The following NREP variants were observed in gnomAD, a reference collection of about 807,000 sequenced individuals.
NREP encodes neuronal regeneration related protein, also known as neuronal regeneration-related protein.
A neutral mutation model predicts 8.6 loss-of-function variants in NREP; 5 were observed. The ratio of observed to expected loss-of-function variants is 0.58; its 90% CI spans 0.30 to 1.22. NREP has a LOEUF of 1.22. NREP is among the 50% of genes most tolerant of loss of function. The pLI, the probability that NREP is intolerant of heterozygous loss-of-function variation, is 0.07. For synonymous variants in NREP, 27 were observed against 28.0 expected, an observed-to-expected ratio of 0.96 and a Z score of 0.11; for missense variants, 86 against 82.5, an observed-to-expected ratio of 1.04 and a Z score of -0.17.
chr5:111,824,688 T>A (rs776973792), intron 2 of NREP, among the ~76,000 whole-genome samples: 29 of 152,192 alleles, frequency 1.9e-4, no homozygotes, highest in Non-Finnish European at 3.7e-4. Context: ...CATTCCTAAT[T>A]TGACTGTGGC....
intron 2 of NREP, among the ~76,000 whole-genome samples, chr5:111,751,032 T>C (rs1320000098): frequency 2.0e-5 from 3 of 152,234 alleles, no homozygotes; most frequent in Non-Finnish European, 4.4e-5. Flanking sequence ...TACAAATTAC[T>C]TCTAGTTCAC....
At chr5:111,944,018 G>C (rs1166900930) in intron 2 of NREP, among the ~76,000 whole-genome samples, 1 of 151,958 alleles carries the variant, frequency 6.6e-6, no homozygotes, top group Non-Finnish European at 1.5e-5. Context: ...ATTCAAATTT[G>C]TACCCTAGTT....
chr5:111,887,448 T>G (rs1322099872), intron 2 of NREP, among the ~76,000 whole-genome samples: 2 of 152,172 alleles, frequency 1.3e-5, no homozygotes, highest in East Asian at 3.8e-4. Flanking sequence ...GATTACAATA[T>G]CTCTATATGC....
chr5:111,734,875 A>C, intron 3 of NREP: 1 of 441,076 alleles, frequency 2.3e-6, no homozygotes, highest in East Asian at 3.4e-5. Flanking sequence ...TTGTTTCAGA[A>C]ATTATGCTAA....
intron 2 of NREP, among the ~76,000 whole-genome samples, chr5:111,947,997 A>G (rs774114074): frequency 6.6e-6 from 1 of 151,980 alleles, no homozygotes; most frequent in Non-Finnish European, 1.5e-5. Context: ...TTCTAATCCA[A>G]TCGTTGCTGC....
At chr5:111,839,902 C>A (rs1752984663) in intron 2 of NREP, among the ~76,000 whole-genome samples, 1 of 152,020 alleles carries the variant, frequency 6.6e-6, no homozygotes, top group Non-Finnish European at 1.5e-5. Context: ...ACTATTAACT[C>A]CATTTTACAG....
chr5:111,730,653 T>G lies in NREP; in HGVS notation c.*268A>C. 3.3e-6 allele frequency: 1 copy of G among 306,800 alleles called. No individual in the cohort carries two copies. The highest frequency in any genetic ancestry group is 6.0e-6 in the Non-Finnish European group (1 of 165,914). The allele number at this position is 306,800 out of a possible 1,614,324, so 19.0% of individuals were successfully genotyped here. On this transcript the variant is annotated 3_prime_UTR_variant, in exon 4 of 4. Transcript: ENST00000257435. ...GAGTTTGAGTTGTGGAAGACATTGT[T>G]GTAGCGAACCAGGCCTGAAGGCCCA...
intron 2 of NREP, among the ~76,000 whole-genome samples, chr5:111,846,889 T>C (rs549475232): frequency 1.0e-3 from 151 of 151,446 alleles, no homozygotes; most frequent in Non-Finnish European, 1.9e-3. Context: ...CCAAAATTTG[T>C]TTATTTCATT....
intron 2 of NREP, among the ~76,000 whole-genome samples, chr5:111,883,747 C>T (rs1754152162): frequency 6.6e-6 from 1 of 152,034 alleles, no homozygotes; most frequent in Non-Finnish European, 1.5e-5. Flanking sequence ...AAAATGAAAG[C>T]AGAAATAAAG....
intron 2 of NREP, among the ~76,000 whole-genome samples, chr5:111,791,369 C>T (rs1751742247): frequency 6.6e-6 from 1 of 152,170 alleles, no homozygotes; most frequent in Admixed American, 6.5e-5. Context: ...CCAGTCCTCA[C>T]CACCATCTTC....
chr5:111,899,203 T>G (rs1438814614), intron 2 of NREP, among the ~76,000 whole-genome samples: 1 of 152,050 alleles, frequency 6.6e-6, no homozygotes, highest in Non-Finnish European at 1.5e-5. Flanking sequence ...GAGTCAAATT[T>G]TATTGCTACA....
chr5:111,800,069 A>AAG (rs1751966777), intron 2 of NREP, among the ~76,000 whole-genome samples: 1 of 147,026 alleles, frequency 6.8e-6, no homozygotes, highest in Non-Finnish European at 1.5e-5. Context: ...ATAGGTGCCC[A>AAG]CCACCACGCC....
At chr5:111,874,269 C>T (rs1753854911) in intron 2 of NREP, among the ~76,000 whole-genome samples, 1 of 152,140 alleles carries the variant, frequency 6.6e-6, no homozygotes. Flanking sequence ...TGTATTAACA[C>T]TGTATGTGTG....
At chr5:111,883,365 A>G (rs566063988) in intron 2 of NREP, among the ~76,000 whole-genome samples, 2 of 152,262 alleles carry the variant, frequency 1.3e-5, no homozygotes, top group African/African-American at 4.8e-5. Context: ...CTCCCACACA[A>G]TAATAATGGG....
rs925506575 is a variant in NREP, at chr5:111,827,753, G to C, written c.136-92246C>G. 2.6e-5 allele frequency among the ~76,000 whole-genome samples: 4 copies of C among 151,984 alleles called. No individual in the cohort carries two copies. The East Asian group carries it at 5.8e-4, about 22-fold the overall frequency. On this transcript the variant is annotated intron_variant, in intron 2 of 3. Transcript: ENST00000395634. The stretch of plus-strand genomic sequence containing the variant: ...AGCTACTCAGGAAGCTGAGGCAGAA[G>C]AATTGCTTGAACCTGGAAGTTGGAG...
intron 2 of NREP, among the ~76,000 whole-genome samples, chr5:111,857,148 G>A (rs913183788): frequency 6.6e-6 from 1 of 152,172 alleles, no homozygotes; most frequent in Non-Finnish European, 1.5e-5. Context: ...TAGCCTGCAG[G>A]TTTCCCTGGA....
intron 2 of NREP, among the ~76,000 whole-genome samples, chr5:111,972,672 C>A (rs933605738): frequency 2.6e-5 from 4 of 152,234 alleles, no homozygotes; most frequent in Non-Finnish European, 5.9e-5. Flanking sequence ...CACGCCATAC[C>A]CACCTCTTTT....
chr5:111,856,201 AAAGG>A (rs1753423682), intron 2 of NREP, among the ~76,000 whole-genome samples: 1 of 152,198 alleles, frequency 6.6e-6, no homozygotes, highest in Admixed American at 6.5e-5. Context: ...AGCTGCTTTC[AAAGG>A]GATCGTAAAC....
At chr5:111,862,059 G>A (rs573005854) in intron 2 of NREP, among the ~76,000 whole-genome samples, 3 of 152,012 alleles carry the variant, frequency 2.0e-5, no homozygotes, top group East Asian at 3.9e-4. Flanking sequence ...TTATCAATAC[G>A]ATTTATTAAG....
Sources: allele counts gnomAD v4.1 joint callset (sites outside exome capture counted in the v4.1 genomes callset), GRCh38; gene constraint gnomAD v4.1.1; transcripts MANE v1.5; gene names NCBI Gene and HGNC (gene_info 2026-07-23, HGNC 2026-07-21).